NELL1: variants seen among roughly 807,000 people sequenced by gnomAD.
NELL1 encodes the protein protein kinase C-binding protein NELL1.
A neutral mutation model predicts 107.4 loss-of-function variants in NELL1; 76 were observed. The observed-to-expected ratio is 0.71, with a 90% confidence interval of 0.59 to 0.86. The LOEUF is 0.86. NELL1 is among the 40% of genes least tolerant of loss of function. NELL1 has a pLI of 0.00. For missense variants in NELL1, 1,024 were observed against 1,005.5 expected (o/e 1.02, Z -0.25); for synonymous variants, 353 against 341.2 (o/e 1.03, Z -0.38).
intron 13 of NELL1, among the ~76,000 whole-genome samples, chr11:21,141,473 C>T (rs759550999): frequency 5.3e-5 from 8 of 152,130 alleles, no homozygotes; most frequent in Non-Finnish European, 8.8e-5. Context: ...CTGTGTGCCT[C>T]ACATAATAAA....
intron 12 of NELL1, among the ~76,000 whole-genome samples, chr11:21,010,371 C>T (rs1852420975): frequency 6.6e-6 from 1 of 152,004 alleles, no homozygotes; most frequent in Non-Finnish European, 1.5e-5. Context: ...CTTGCTCCAC[C>T]CTCCCTGCCT....
rs1460945723 is a variant in NELL1 at position 20,783,857 on chromosome 11, A to G, written c.335+27A>G. On this transcript the variant is annotated intron_variant, in intron 3 of 19. Transcript: ENST00000357134. ...TAAGAAAGCTCTTTCTGCTTTTGAA[A>G]ATCTCCTTAGAGTTAATGGGTTATA... The G allele has an allele frequency of 2.5e-6, 4 of 1,592,264 alleles. No individual in the cohort carries two copies. In the African/African-American group the frequency reaches 4.0e-5, roughly 16 times the overall value.
chr11:20,807,833 C>A (rs1207849994), intron 3 of NELL1, among the ~76,000 whole-genome samples: 1 of 152,158 alleles, frequency 6.6e-6, no homozygotes, highest in Non-Finnish European at 1.5e-5. Context: ...CCACCACCAC[C>A]ACAGGCCCAT....
At chr11:20,932,314 A>T (rs1415793522) in intron 9 of NELL1, among the ~76,000 whole-genome samples, 1 of 152,144 alleles carries the variant, frequency 6.6e-6, no homozygotes, top group African/African-American at 2.4e-5. Context: ...GGAGGGAGGA[A>T]GATGGAGAAA....
chr11:21,458,635 T>C (rs1853812180), intron 15 of NELL1, among the ~76,000 whole-genome samples: 2 of 152,130 alleles, frequency 1.3e-5, no homozygotes, highest in Non-Finnish European at 2.9e-5. Context: ...ATGCAGAGTG[T>C]AATCTAAATG....
chr11:21,391,207 TACA>T (rs796240522), intron 15 of NELL1, among the ~76,000 whole-genome samples: 34 of 151,952 alleles, frequency 2.2e-4, no homozygotes, highest in African/African-American at 8.2e-4. Context: ...CATTTTTTAG[TACA>T]ACTTTTGAGA....
chr11:21,314,537 G>A (rs866015696), intron 14 of NELL1, among the ~76,000 whole-genome samples: 15 of 152,116 alleles, frequency 9.9e-5, no homozygotes, highest in African/African-American at 3.4e-4. Context: ...ATTACCAAGA[G>A]CAGCATTTTT....
intron 7 of NELL1, among the ~76,000 whole-genome samples, chr11:20,924,965 G>A (rs117446934): frequency 5.9e-5 from 9 of 152,214 alleles, no homozygotes; most frequent in East Asian, 1.9e-4. Context: ...TCCATGTACC[G>A]AGTACTGCAT....
At chr11:21,522,864 G>A (rs1212654397) in intron 15 of NELL1, among the ~76,000 whole-genome samples, 17 of 100,608 alleles carry the variant, frequency 1.7e-4, no homozygotes, top group South Asian at 6.7e-4. Context: ...TTTTTGAGAC[G>A]GAGTCTCGCT....
intron 12 of NELL1, among the ~76,000 whole-genome samples, chr11:21,100,902 A>T (rs1053071116): frequency 6.6e-6 from 1 of 151,894 alleles, no homozygotes; most frequent in African/African-American, 2.4e-5. Context: ...GGCTAGTTAC[A>T]TATGTATACA....
intron 15 of NELL1, among the ~76,000 whole-genome samples, chr11:21,436,827 T>C (rs67356857): frequency 0.033 from 5,000 of 152,202 alleles, 157 homozygotes; most frequent in East Asian, 0.17. Context: ...TCCATTTTTA[T>C]TGATTTCAAG....
At chr11:21,075,541 C>A (rs772437790) in intron 12 of NELL1, among the ~76,000 whole-genome samples, 5 of 152,134 alleles carry the variant, frequency 3.3e-5, no homozygotes, top group East Asian at 1.9e-4. Flanking sequence ...TACAATGGTA[C>A]AATAATGTCT....
chr11:21,033,890 C>T (rs190911922), intron 12 of NELL1, among the ~76,000 whole-genome samples: 9 of 152,232 alleles, frequency 5.9e-5, no homozygotes, highest in East Asian at 1.9e-4. Flanking sequence ...TCCACAACCT[C>T]GCCAGCATCT....
Position 21,534,442 on chromosome 11 carries a change from T to TGGTAC in NELL1, c.1715_1719dup (p.His574GlyfsTer31). On this transcript the variant is annotated frameshift_variant, in exon 16 of 20. Coordinates refer to ENST00000357134, the MANE Select transcript of NELL1 (RefSeq NM_006157.5). LOFTEE classifies it high-confidence loss of function. Reference sequence around the variant, plus strand: ...TTCCCGCTGCGTTAACCTGCCAGGGTGGTACCACTGTGAGTGCAGAAGCGG... The same window carrying TGGTAC: ...TTCCCGCTGCGTTAACCTGCCAGGGTGGTACGGTACCACTGTGAGTGCAGAAGCGG... The TGGTAC allele has an allele frequency of 1.2e-6, 2 of 1,613,784 alleles. No homozygotes were observed. The highest frequency in any genetic ancestry group is 1.7e-6 in the Non-Finnish European group (2 of 1,179,840).
At chr11:21,508,681 T>A (rs1855358858) in intron 15 of NELL1, among the ~76,000 whole-genome samples, 1 of 152,090 alleles carries the variant, frequency 6.6e-6, no homozygotes, top group South Asian at 2.1e-4. Flanking sequence ...ATTCCTAGAA[T>A]GTCTTAAGAG....
At chr11:21,477,334 A>G (rs557494478) in intron 15 of NELL1, among the ~76,000 whole-genome samples, 2 of 151,206 alleles carry the variant, frequency 1.3e-5, no homozygotes, top group African/African-American at 4.8e-5. Flanking sequence ...AGCTTAGCAC[A>G]GAGAGAGAGA....
chr11:20,736,337 C>T (rs1033353557), intron 2 of NELL1, among the ~76,000 whole-genome samples: 12 of 152,230 alleles, frequency 7.9e-5, no homozygotes, highest in African/African-American at 2.6e-4. Context: ...TCCTCTTGCC[C>T]CAGCAGCCAC....
chr11:20,843,056 T>A (rs1848646907), intron 3 of NELL1, among the ~76,000 whole-genome samples: 1 of 152,216 alleles, frequency 6.6e-6, no homozygotes, highest in East Asian at 1.9e-4. Flanking sequence ...ATTTTTTTCA[T>A]CATCTTTAGG....
intron 2 of NELL1, among the ~76,000 whole-genome samples, chr11:20,753,177 G>T (rs904974650): frequency 6.6e-6 from 1 of 152,164 alleles, no homozygotes; most frequent in Non-Finnish European, 1.5e-5. Context: ...TTTAGTTTTG[G>T]TCATCCAACT....
Sources: allele counts gnomAD v4.1 joint callset (sites outside exome capture counted in the v4.1 genomes callset), GRCh38; gene constraint gnomAD v4.1.1; transcripts MANE v1.5; gene names NCBI Gene and HGNC (gene_info 2026-07-23, HGNC 2026-07-21).